Variants in TMC1 observed in about 807,000 individuals in gnomAD.
TMC1 encodes the protein transmembrane channel like 1, also known as transmembrane channel-like protein 1.
TMC1 carries 84 observed loss-of-function variants against 105.8 expected under a neutral mutation model. The ratio of observed to expected loss-of-function variants is 0.79; its 90% confidence interval spans 0.67 to 0.95. TMC1 has a LOEUF of 0.95. Ranked by LOEUF, TMC1 falls within the 40% of genes least tolerant of loss-of-function variation. The probability of loss-of-function intolerance (pLI) is 0.00; values close to 1 mark genes in which losing one functional copy is unlikely to be tolerated. For missense variants in TMC1, 817 were observed against 914.1 expected (o/e 0.89, Z 1.37); for synonymous variants, 315 against 311.5 (o/e 1.01, Z -0.12).
intron 1 of TMC1, among the ~76,000 whole-genome samples, chr9:72,535,103 G>A (rs1237185432): frequency 6.6e-6 from 1 of 151,952 alleles, no homozygotes; most frequent in Non-Finnish European, 1.5e-5. Flanking sequence ...AATCATGTAG[G>A]ATGCTGCTTA....
At chr9:72,650,886 A>G (rs1238813529) in intron 5 of TMC1, among the ~76,000 whole-genome samples, 1 of 137,066 alleles carries the variant, frequency 7.3e-6, no homozygotes, top group African/African-American at 2.7e-5. Flanking sequence ...ATATATAGAT[A>G]TATAGATATA....
intron 1 of TMC1, among the ~76,000 whole-genome samples, chr9:72,529,518 G>A (rs1335825264): frequency 6.6e-6 from 1 of 152,068 alleles, no homozygotes; most frequent in Non-Finnish European, 1.5e-5. Context: ...TATATAGTGT[G>A]TATATACATA....
At chr9:72,653,639 A>C (rs1245138117) in intron 5 of TMC1, among the ~76,000 whole-genome samples, 1 of 152,186 alleles carries the variant, frequency 6.6e-6, no homozygotes, top group Non-Finnish European at 1.5e-5. Flanking sequence ...ACAATATACT[A>C]TATACATTTA....
At chr9:72,814,690 T>C (rs1397328288) in intron 18 of TMC1, among the ~76,000 whole-genome samples, 1 of 152,218 alleles carries the variant, frequency 6.6e-6, no homozygotes, top group African/African-American at 2.4e-5. Flanking sequence ...AGATTGTCCC[T>C]ATGTTTCAGT....
At position 72,562,248 on chromosome 9, in the gene TMC1, A is replaced by G. The variant is rs527306876; in HGVS notation, c.-427-15654A>G. ...GGTCTTGCAGGTTCTGATTTAAAAA[A>G]CACAATTTTTTTGAGGGTCACTGGC... On this transcript the variant is annotated intron_variant, in intron 1 of 23. Coordinates refer to ENST00000297784, the MANE Select transcript of TMC1 (RefSeq NM_138691.3). 8.3e-4 allele frequency among the ~76,000 whole-genome samples: 126 copies of G among 152,314 alleles called. 1 individual carries two copies. Among genetic ancestry groups the G allele is most frequent in the South Asian group, 7.5e-3 (36 of 4,826 alleles).
intron 13 of TMC1, among the ~76,000 whole-genome samples, chr9:72,774,822 A>G (rs1294082442): frequency 6.6e-6 from 1 of 152,178 alleles, no homozygotes; most frequent in Non-Finnish European, 1.5e-5. Flanking sequence ...CTTTGTACAG[A>G]ATCATTAATC....
At chr9:72,556,426 A>G (rs1377833457) in intron 1 of TMC1, among the ~76,000 whole-genome samples, 1 of 151,886 alleles carries the variant, frequency 6.6e-6, no homozygotes, top group African/African-American at 2.4e-5. Flanking sequence ...TTACTTGTGA[A>G]ATTAAAGCTT....
rs527656948 is a variant in TMC1, at chr9:72,706,833, G to A, written c.362+6190G>A. ...TCTGTCACCCAGGCTGTAGTGCAGT[G>A]GCGTGATCTCGGCTCACTGCAACCT... is the stretch of plus-strand genomic sequence containing the variant. On this transcript the variant is annotated intron_variant, in intron 8 of 23. Transcript: ENST00000297784. Among the ~76,000 whole-genome samples, 22 of 149,090 alleles carry A rather than the reference G, an allele frequency of 1.5e-4. No homozygotes were observed. In the South Asian group the frequency reaches 4.5e-3, roughly 30 times the overall value.
intron 13 of TMC1, 148 bp from the exon 14 acceptor site, chr9:72,788,191 C>A (rs1588083510): frequency 2.4e-6 from 2 of 832,564 alleles, no homozygotes; most frequent in South Asian, 1.7e-5. Context: ...TAAAAAGAAA[C>A]TATTTTCTGG....
intron 8 of TMC1, among the ~76,000 whole-genome samples, chr9:72,738,118 G>GGTT (rs1564522871): frequency 6.6e-6 from 1 of 151,878 alleles, no homozygotes; most frequent in Non-Finnish European, 1.5e-5. Context: ...CACTCCCTGT[G>GGTT]GTCAATGCAA....
At chr9:72,708,648 T>C (rs887216214) in intron 8 of TMC1, among the ~76,000 whole-genome samples, 9 of 152,158 alleles carry the variant, frequency 5.9e-5, no homozygotes, top group African/African-American at 1.9e-4. Flanking sequence ...ATTCATTTAT[T>C]AGTTCCAGGA....
chr9:72,588,742 C>T (rs1824591240), intron 2 of TMC1, among the ~76,000 whole-genome samples: 1 of 151,690 alleles, frequency 6.6e-6, no homozygotes, highest in Non-Finnish European at 1.5e-5. Context: ...CAGAAAACTG[C>T]TTCCCAGGTA....
At chr9:72,552,360 TC>T (rs970091682) in intron 1 of TMC1, among the ~76,000 whole-genome samples, 4 of 151,722 alleles carry the variant, frequency 2.6e-5, no homozygotes, top group African/African-American at 9.7e-5. Context: ...TGTGAAGGAA[TC>T]CCCCCCAGAA....
intron 5 of TMC1, among the ~76,000 whole-genome samples, chr9:72,666,511 G>A (rs1212519421): frequency 1.3e-5 from 2 of 152,144 alleles, no homozygotes; most frequent in Non-Finnish European, 2.9e-5. Context: ...GACACAGGGG[G>A]AAATGTGGTA....
At chr9:72,533,386 C>T (rs927906950) in intron 1 of TMC1, among the ~76,000 whole-genome samples, 3 of 152,176 alleles carry the variant, frequency 2.0e-5, no homozygotes, top group East Asian at 3.8e-4. Flanking sequence ...GAGGGTATGA[C>T]CCAGCAATCC....
At position 72,772,706 on chromosome 9, in the gene TMC1, T is replaced by G; in HGVS notation, c.884+151T>G. On this transcript the variant is annotated intron_variant, in intron 13 of 23. Transcript: ENST00000297784. ...TGAAATGTAGTTTTAATACCAACAC[T>G]AATGTTAGACTATTACATCTTCAAA... is the stretch of plus-strand genomic sequence containing the variant. 5 of 1,060,992 alleles carry G rather than the reference T, an allele frequency of 4.7e-6. No individual in the cohort carries two copies. In the South Asian group the frequency reaches 6.6e-5, roughly 14 times the overall value. The allele number at this position is 1,060,992 out of a possible 1,614,324, so 65.7% of individuals were successfully genotyped here.
chr9:72,713,778 T>C (rs1430885479), intron 8 of TMC1, among the ~76,000 whole-genome samples: 2 of 151,952 alleles, frequency 1.3e-5, no homozygotes, highest in African/African-American at 4.8e-5. Flanking sequence ...TCAGTTCTGC[T>C]CTGCTCTTAG....
intron 5 of TMC1, among the ~76,000 whole-genome samples, chr9:72,663,234 GA>G (rs1267987890): frequency 2.6e-5 from 4 of 152,200 alleles, no homozygotes; most frequent in Non-Finnish European, 4.4e-5. Context: ...CTGCTTAGCG[GA>G]GGTGTTAGAA....
chr9:72,743,566 C>CAAAAA (rs386415092), intron 10 of TMC1, among the ~76,000 whole-genome samples: 12 of 101,654 alleles, frequency 1.2e-4, no homozygotes, highest in African/African-American at 2.4e-4. Flanking sequence ...GACTCTGTTT[C>CAAAAA]AAAAAAAAAA....
Sources: allele counts gnomAD v4.1 joint callset (sites outside exome capture counted in the v4.1 genomes callset), GRCh38; gene constraint gnomAD v4.1.1; transcripts MANE v1.5; gene names NCBI Gene and HGNC (gene_info 2026-07-23, HGNC 2026-07-21).